Variants in EEFSEC observed in about 807,000 individuals in gnomAD.
EEFSEC encodes eukaryotic elongation factor, selenocysteine-tRNA specific, also known as selenocysteine-specific elongation factor.
EEFSEC carries 43 observed loss-of-function variants against 42.1 expected under a neutral mutation model. That is an observed-to-expected ratio of 1.02 (90% CI 0.80 to 1.32). EEFSEC has a LOEUF of 1.32. Among genes scored for constraint, EEFSEC ranks in the 40% most tolerant of loss-of-function variants. The pLI is 0.00. For missense variants in EEFSEC, 745 were observed against 803.6 expected (o/e 0.93, Z 0.88); for synonymous variants, 354 against 339.1 (o/e 1.04, Z -0.48).
At position 128,246,893 on chromosome 3, in the gene EEFSEC, C is replaced by A. The variant is rs2066134278; in HGVS notation, c.374C>A (p.Thr125Asn). 1 of 1,614,056 alleles carries A rather than the reference C, an allele frequency of 6.2e-7. No homozygotes were observed. Among genetic ancestry groups the A allele is most frequent in the Admixed American group, 1.7e-5 (1 of 60,008 alleles). The change falls in exon 2 of 7, where the codon ACC (threonine) becomes AAC (asparagine). Residue 125 changes from threonine to asparagine, a missense_variant. Transcript: ENST00000254730. Reference protein sequence around the residue: ...LVIDVTKGMQTQSAECLVIGQ... With the variant: ...LVIDVTKGMQNQSAECLVIGQ... ...ATCGATGTGACCAAGGGGATGCAGA[C>A]CCAGTCAGCGGAATGCCTTGTGATC... is the stretch of plus-strand genomic sequence containing the variant.
intron 6 of EEFSEC, among the ~76,000 whole-genome samples, chr3:128,393,122 A>G (rs894979575): frequency 2.6e-5 from 4 of 152,218 alleles, no homozygotes; most frequent in Admixed American, 2.6e-4. Flanking sequence ...AAAACAAAGA[A>G]GAAGCTTTCT....
chr3:128,229,706 T>C (rs1443106021), intron 1 of EEFSEC, among the ~76,000 whole-genome samples: 1 of 152,248 alleles, frequency 6.6e-6, no homozygotes, highest in African/African-American at 2.4e-5. Flanking sequence ...TTTTTTTCAA[T>C]TGGTTGTCAA....
At chr3:128,206,911 G>A (rs1018631893) in intron 1 of EEFSEC, among the ~76,000 whole-genome samples, 12 of 152,116 alleles carry the variant, frequency 7.9e-5, no homozygotes, top group Non-Finnish European at 1.5e-4. Context: ...TGTAGGAAGA[G>A]CAGTGGGTGG....
intron 1 of EEFSEC, among the ~76,000 whole-genome samples, chr3:128,167,129 C>T (rs1383062478): frequency 6.6e-6 from 1 of 152,146 alleles, no homozygotes; most frequent in East Asian, 1.9e-4. Flanking sequence ...TGGCTACGTG[C>T]ACTTTTCTGG....
At chr3:128,215,465 A>T (rs1487569699) in intron 1 of EEFSEC, among the ~76,000 whole-genome samples, 1 of 152,210 alleles carries the variant, frequency 6.6e-6, no homozygotes, top group Non-Finnish European at 1.5e-5. Context: ...AAGGGTAGTC[A>T]TAGTGCACCT....
intron 1 of EEFSEC, among the ~76,000 whole-genome samples, chr3:128,185,225 G>A (rs1368534701): frequency 6.6e-6 from 1 of 151,958 alleles, no homozygotes; most frequent in African/African-American, 2.4e-5. Context: ...ATCGCTGCTG[G>A]GGTATTATAT....
intron 4 of EEFSEC, among the ~76,000 whole-genome samples, chr3:128,277,252 A>C (rs2066478269): frequency 6.6e-6 from 1 of 152,240 alleles, no homozygotes; most frequent in Non-Finnish European, 1.5e-5. Flanking sequence ...CTTTCTTTTA[A>C]GAAATAAAAC....
intron 4 of EEFSEC, among the ~76,000 whole-genome samples, chr3:128,333,177 A>T (rs979141177): frequency 6.6e-6 from 1 of 152,250 alleles, no homozygotes; most frequent in Non-Finnish European, 1.5e-5. Flanking sequence ...TGGATAATAG[A>T]GGTCCAATCT....
chr3:128,417,410 C>T, the EEFSEC span, among the ~76,000 whole-genome samples: 7 of 152,116 alleles, frequency 4.6e-5, no homozygotes, highest in South Asian at 2.1e-4. This position sits in a 1 kb window ranked among gnomAD's most constrained non-coding sequence, Gnocchi z 4.3. Context: ...ACACAGCTCC[C>T]GCTGCCCCCA....
intron 1 of EEFSEC, among the ~76,000 whole-genome samples, chr3:128,224,638 T>G (rs2065891149): frequency 6.6e-6 from 1 of 152,224 alleles, no homozygotes; most frequent in Non-Finnish European, 1.5e-5. Flanking sequence ...GAAGTATTTT[T>G]AAACAAATTT....
At chr3:128,313,369 C>T (rs553416192) in intron 4 of EEFSEC, among the ~76,000 whole-genome samples, 3 of 152,340 alleles carry the variant, frequency 2.0e-5, no homozygotes, top group South Asian at 2.1e-4. Context: ...TGTTTCTGGT[C>T]GATGCAGCTT....
chr3:128,175,102 C>A (rs770953846), intron 1 of EEFSEC, among the ~76,000 whole-genome samples: 1 of 151,942 alleles, frequency 6.6e-6, no homozygotes, highest in African/African-American at 2.4e-5. Flanking sequence ...TCTCCTCCCC[C>A]TCTGCTCTAC....
intron 4 of EEFSEC, among the ~76,000 whole-genome samples, chr3:128,287,780 TA>T (rs1192768096): frequency 2.0e-5 from 3 of 152,156 alleles, no homozygotes; most frequent in African/African-American, 7.2e-5. Context: ...ATTCTCAAGA[TA>T]GGGGAAAAAA....
At chr3:128,374,440 A>G (rs1473796415) in intron 6 of EEFSEC, among the ~76,000 whole-genome samples, 1 of 152,148 alleles carries the variant, frequency 6.6e-6, no homozygotes, top group Non-Finnish European at 1.5e-5. Flanking sequence ...TTTTCTCACC[A>G]TCAACCTTTG....
At chr3:128,344,597 T>C (rs968639570) in intron 5 of EEFSEC, among the ~76,000 whole-genome samples, 22 of 152,178 alleles carry the variant, frequency 1.4e-4, no homozygotes, top group Admixed American at 3.3e-4. Context: ...TTTTGAGTCA[T>C]GAAATTTCCA....
At chr3:128,352,156 A>G (rs1308700735) in intron 5 of EEFSEC, among the ~76,000 whole-genome samples, 1 of 152,170 alleles carries the variant, frequency 6.6e-6, no homozygotes, top group African/African-American at 2.4e-5. Context: ...GACAGAGCAA[A>G]GCCATGTTCC....
At chr3:128,295,514 A>ATTAAAAGTT (rs2066695120) in intron 4 of EEFSEC, among the ~76,000 whole-genome samples, 1 of 105,008 alleles carries the variant, frequency 9.5e-6, no homozygotes, top group Admixed American at 1.4e-4. Flanking sequence ...TGTGTGTCTT[A>ATTAAAAGTT]TTAAAAGTTC....
At chr3:128,240,558 C>T (rs1559882588) in intron 1 of EEFSEC, among the ~76,000 whole-genome samples, 1 of 152,222 alleles carries the variant, frequency 6.6e-6, no homozygotes, top group Non-Finnish European at 1.5e-5. Context: ...ACAGGCTGGA[C>T]ACTGCTGGTT....
chr3:128,338,841 T>C (rs1032667706), intron 4 of EEFSEC, among the ~76,000 whole-genome samples: 1 of 151,620 alleles, frequency 6.6e-6, no homozygotes, highest in Non-Finnish European at 1.5e-5. Flanking sequence ...TCACAGGGAG[T>C]CCCCATAGAA....
Sources: allele counts gnomAD v4.1 joint callset (sites outside exome capture counted in the v4.1 genomes callset), GRCh38; gene constraint gnomAD v4.1.1; non-coding constraint Gnocchi (gnomAD v3.1); transcripts MANE v1.5; gene names NCBI Gene and HGNC (gene_info 2026-07-23, HGNC 2026-07-21).